The following CARMIL1 variants were observed in gnomAD, a reference collection of about 807,000 sequenced individuals.
The protein encoded by CARMIL1 is F-actin-uncapping protein LRRC16A.
Under a neutral mutation model 177.1 loss-of-function variants are expected in CARMIL1, and 90 were observed. The ratio of observed to expected loss-of-function variants is 0.51; its 90% confidence interval spans 0.43 to 0.61. The LOEUF (loss-of-function observed/expected upper bound fraction) is 0.61, where lower values mean the gene tolerates loss of function less well. CARMIL1 is among the 20% of genes least tolerant of loss of function. The pLI, the probability that CARMIL1 is intolerant of heterozygous loss-of-function variation, is 0.00. For missense variants in CARMIL1, 1,380 were observed against 1,667.0 expected (o/e 0.83, Z 3.00); for synonymous variants, 577 against 606.2 (o/e 0.95, Z 0.71).
At chr6:25,535,911 T>G (rs191864623) in intron 24 of CARMIL1, among the ~76,000 whole-genome samples, 1 of 152,224 alleles carries the variant, frequency 6.6e-6, no homozygotes, top group African/African-American at 2.4e-5. Context: ...TTTTATGTCT[T>G]CTTTGAATTG....
At chr6:25,374,039 A>G (rs1253733819) in intron 2 of CARMIL1, among the ~76,000 whole-genome samples, 1 of 152,132 alleles carries the variant, frequency 6.6e-6, no homozygotes, top group African/African-American at 2.4e-5. Flanking sequence ...TGCTCTAATG[A>G]AAAGGTCTTT....
chr6:25,355,302 C>T (rs911282088), intron 2 of CARMIL1, among the ~76,000 whole-genome samples: 3 of 152,114 alleles, frequency 2.0e-5, no homozygotes, highest in African/African-American at 4.8e-5. Flanking sequence ...TACTTTCCTC[C>T]TGATTACCTT....
chr6:25,441,778 C>T (rs1396985570), intron 5 of CARMIL1, among the ~76,000 whole-genome samples: 1 of 152,168 alleles, frequency 6.6e-6, no homozygotes, highest in Non-Finnish European at 1.5e-5. Flanking sequence ...TCAGTGTTGT[C>T]ATCTGTTTTC....
chr6:25,476,513 C>T (rs556448386), intron 11 of CARMIL1, among the ~76,000 whole-genome samples: 1 of 152,308 alleles, frequency 6.6e-6, no homozygotes, highest in African/African-American at 2.4e-5. Flanking sequence ...GGATGAGCCT[C>T]CTGAACACAA....
At chr6:25,448,389 T>C (rs892282970) in intron 5 of CARMIL1, among the ~76,000 whole-genome samples, 8 of 152,190 alleles carry the variant, frequency 5.3e-5, no homozygotes, top group South Asian at 2.1e-4. Context: ...TTGAACTAGA[T>C]TGAATTTCTG....
intron 31 of CARMIL1, among the ~76,000 whole-genome samples, chr6:25,586,071 C>A (rs1261855069): frequency 6.6e-6 from 1 of 150,882 alleles, no homozygotes; most frequent in African/African-American, 2.5e-5. Context: ...GTAAACCTCC[C>A]AGACGGGGTG....
intron 10 of CARMIL1, 149 bp downstream of exon 10, chr6:25,471,406 T>TTA: frequency 1.8e-6 from 1 of 562,588 alleles, no homozygotes; most frequent in Non-Finnish European, 3.1e-6. Flanking sequence ...ATCCCTATAA[T>TTA]TGCCATCATC....
chr6:25,565,437 G>A (rs953662161), intron 29 of CARMIL1, among the ~76,000 whole-genome samples: 1 of 152,296 alleles, frequency 6.6e-6, no homozygotes, highest in Non-Finnish European at 1.5e-5. Context: ...AGTCATCCAT[G>A]CCCAAGTAAA....
At chr6:25,522,488 C>T (rs145442608) in intron 23 of CARMIL1, among the ~76,000 whole-genome samples, 246 of 152,268 alleles carry the variant, frequency 1.6e-3, no homozygotes, top group African/African-American at 5.4e-3. Context: ...ACAAGCTTTC[C>T]TGGTGTTTGT....
chr6:25,359,201 G>T (rs1788940062), intron 2 of CARMIL1, among the ~76,000 whole-genome samples: 2 of 152,192 alleles, frequency 1.3e-5, no homozygotes, highest in African/African-American at 4.8e-5. Context: ...TCCCATTCTG[G>T]CCAGGAAAGG....
intron 29 of CARMIL1, among the ~76,000 whole-genome samples, chr6:25,568,229 G>A (rs1453022774): frequency 6.6e-6 from 1 of 152,132 alleles, no homozygotes; most frequent in Non-Finnish European, 1.5e-5. Context: ...TTATATAAAT[G>A]TATTTCTTGG....
intron 36 of CARMIL1, among the ~76,000 whole-genome samples, chr6:25,619,111 C>A (rs945018783): frequency 1.3e-5 from 2 of 152,186 alleles, no homozygotes; most frequent in Admixed American, 6.5e-5. Flanking sequence ...AGCAGAACCG[C>A]TTCAAAGCCC....
chr6:25,529,016 C>T (rs1244601910), intron 24 of CARMIL1, 123 bp downstream of exon 24: 1 of 710,720 alleles, frequency 1.4e-6, no homozygotes, highest in African/African-American at 1.8e-5. Context: ...AAAATGACAA[C>T]AAATCTAAGT....
intron 2 of CARMIL1, among the ~76,000 whole-genome samples, chr6:25,414,630 T>C (rs1795210737): frequency 1.3e-5 from 2 of 152,206 alleles, no homozygotes; most frequent in South Asian, 4.1e-4. Flanking sequence ...TTTGTGTTGA[T>C]AAAACAAGAG....
chr6:25,333,865 TCTC>T (rs987293756), intron 2 of CARMIL1, among the ~76,000 whole-genome samples: 10 of 152,190 alleles, frequency 6.6e-5, no homozygotes, highest in African/African-American at 2.4e-4. Flanking sequence ...CCTTTTTTCT[TCTC>T]CTAGTATTTT....
At chr6:25,589,291 T>G (rs72839089) in intron 31 of CARMIL1, among the ~76,000 whole-genome samples, 22,802 of 152,230 alleles carry the variant, frequency 0.15, 1,823 homozygotes, top group Middle Eastern at 0.21. Context: ...TGGCACGTGG[T>G]ATCCAAGTCT....
chr6:25,340,155 G>GA (rs1786751814), intron 2 of CARMIL1, among the ~76,000 whole-genome samples: 1 of 151,426 alleles, frequency 6.6e-6, no homozygotes, highest in Non-Finnish European at 1.5e-5. Flanking sequence ...AACTAAAAGA[G>GA]AAATTTGATT....
In CARMIL1 at chr6:25,553,738, C is replaced by T. The variant is rs1274488690; in HGVS notation, c.2505-271C>T. 4.6e-5 allele frequency among the ~76,000 whole-genome samples: 7 copies of T among 152,164 alleles called. 1 individual carries two copies. Among genetic ancestry groups the T allele is most frequent in the African/African-American group, 1.4e-4 (6 of 41,436 alleles). On this transcript the variant is annotated intron_variant, in intron 27 of 36. Transcript: ENST00000329474. ...GGTTCCCATTAACTTTGTCTTTATC[C>T]AGACGTTTTTCATTTCTACCATTAA...
At chr6:25,598,694 A>G (rs954153743) in intron 32 of CARMIL1, among the ~76,000 whole-genome samples, 3 of 151,848 alleles carry the variant, frequency 2.0e-5, no homozygotes, top group Admixed American at 1.3e-4. Flanking sequence ...ACATTTTGCT[A>G]TTATTCATGT....
Sources: allele counts gnomAD v4.1 joint callset (sites outside exome capture counted in the v4.1 genomes callset), GRCh38; gene constraint gnomAD v4.1.1; transcripts MANE v1.5; gene names NCBI Gene and HGNC (gene_info 2026-07-23, HGNC 2026-07-21).